Variants in NAALADL2 observed in about 807,000 individuals in gnomAD.
The protein encoded by NAALADL2 is inactive N-acetylated-alpha-linked acidic dipeptidase-like protein 2.
In NAALADL2, 76 loss-of-function variants were observed where a neutral mutation model predicts 87.2. The ratio of observed to expected loss-of-function variants is 0.87; its 90% CI spans 0.72 to 1.05. The LOEUF is 1.05. NAALADL2 is among the 50% of genes least tolerant of loss of function. The pLI, the probability that NAALADL2 is intolerant of heterozygous loss-of-function variation, is 0.00. For synonymous variants in NAALADL2, 354 were observed against 331.0 expected (o/e 1.07, Z -0.75); for missense variants, 1,089 against 945.8 (o/e 1.15, Z -1.99).
chr3:174,780,743 G>A (rs1715862793), intron 3 of NAALADL2, among the ~76,000 whole-genome samples: 1 of 151,762 alleles, frequency 6.6e-6, no homozygotes. Context: ...AGATAATCAT[G>A]TTTTTTTTGT....
chr3:175,199,613 G>A (rs71629253), intron 2 of NAALADL2, among the ~76,000 whole-genome samples: 5,565 of 151,200 alleles, frequency 0.037, 251 homozygotes, highest in African/African-American at 0.11. Context: ...ATGAATAAAA[G>A]TGCACTAAGG....
intron 1 of NAALADL2, among the ~76,000 whole-genome samples, chr3:174,866,433 T>C (rs574673737): frequency 4.0e-5 from 6 of 151,890 alleles, no homozygotes; most frequent in South Asian, 4.1e-4. Context: ...AGGAAAATAA[T>C]AGAAGAATAA....
At chr3:175,040,764 G>A (rs542630360) in intron 1 of NAALADL2, among the ~76,000 whole-genome samples, 1 of 152,158 alleles carries the variant, frequency 6.6e-6, no homozygotes, top group South Asian at 2.1e-4. Context: ...TCTTTTATAG[G>A]CAAGGCCATA....
intron 2 of NAALADL2, among the ~76,000 whole-genome samples, chr3:175,131,445 G>T (rs991326573): frequency 6.6e-6 from 1 of 152,132 alleles, no homozygotes; most frequent in Non-Finnish European, 1.5e-5. Flanking sequence ...CACAGCACAT[G>T]TTTCAGAGAG....
At chr3:174,886,331 G>A (rs1730149302) in intron 1 of NAALADL2, among the ~76,000 whole-genome samples, 1 of 152,068 alleles carries the variant, frequency 6.6e-6, no homozygotes, top group East Asian at 1.9e-4. Context: ...TATTTTTTCT[G>A]CCTGCTTATG....
rs1156458824 is a variant in NAALADL2 at position 174,859,469 on chromosome 3, T to C, written c.43+19T>C. 1 of 1,601,986 alleles carries C rather than the reference T, an allele frequency of 6.2e-7. No homozygotes were observed. The highest frequency in any genetic ancestry group is 2.2e-5 in the East Asian group (1 of 44,690). On this transcript the variant is annotated intron_variant, in intron 1 of 13. Coordinates refer to ENST00000454872, the MANE Select transcript of NAALADL2 (RefSeq NM_207015.3). Reference sequence around the variant, plus strand: ...TTGCAAGGTAAGTACCAACAGCCTATGAACTTTTCACTTTTCACAATCAGA... The same window carrying C: ...TTGCAAGGTAAGTACCAACAGCCTACGAACTTTTCACTTTTCACAATCAGA...
intron 5 of NAALADL2, among the ~76,000 whole-genome samples, chr3:175,406,905 G>A (rs939151833): frequency 1.3e-5 from 2 of 152,010 alleles, no homozygotes; most frequent in African/African-American, 4.8e-5. Context: ...TGTCGGCCGG[G>A]CGCTGTGGCT....
At chr3:174,673,759 A>G (rs1309127646) in intron 2 of NAALADL2, among the ~76,000 whole-genome samples, 2 of 152,054 alleles carry the variant, frequency 1.3e-5, no homozygotes, top group African/African-American at 2.4e-5. Flanking sequence ...GACTATGCTT[A>G]AAAACAGTAT....
chr3:174,451,476 G>C (rs540011849), intron 1 of NAALADL2, among the ~76,000 whole-genome samples: 1 of 152,250 alleles, frequency 6.6e-6, no homozygotes, highest in East Asian at 1.9e-4. Flanking sequence ...TGATATGTTT[G>C]TATTATAATC....
intron 11 of NAALADL2, among the ~76,000 whole-genome samples, chr3:175,664,059 T>G (rs878869324): frequency 6.6e-6 from 1 of 151,982 alleles, no homozygotes; most frequent in Admixed American, 6.6e-5. Flanking sequence ...ACAATGGGGA[T>G]AGAAAGATCA....
chr3:175,087,468 A>C (rs537503056), intron 1 of NAALADL2, among the ~76,000 whole-genome samples: 1 of 152,336 alleles, frequency 6.6e-6, no homozygotes, highest in African/African-American at 2.4e-5. Context: ...GAATAGAAAA[A>C]GGGGGAAATG....
chr3:174,651,740 A>G (rs1045434609), intron 2 of NAALADL2, among the ~76,000 whole-genome samples: 1 of 152,180 alleles, frequency 6.6e-6, no homozygotes, highest in Admixed American at 6.5e-5. Flanking sequence ...ATAGGCAAAG[A>G]GCACATTCTA....
chr3:174,922,746 TTGAAA>T (rs1333551818), intron 1 of NAALADL2, among the ~76,000 whole-genome samples: 12 of 152,204 alleles, frequency 7.9e-5, no homozygotes, highest in Admixed American at 6.6e-5. Context: ...TTTCTCACTA[TTGAAA>T]TGAAATGGTG....
intron 3 of NAALADL2, among the ~76,000 whole-genome samples, chr3:174,838,021 G>GAAAAAAA (rs77681462): frequency 2.1e-4 from 15 of 71,910 alleles, no homozygotes; most frequent in East Asian, 4.7e-4. Context: ...AACCAAAAAA[G>GAAAAAAA]AAAAAAAAAA....
At chr3:175,352,634 T>A (rs1417757451) in intron 5 of NAALADL2, among the ~76,000 whole-genome samples, 2 of 152,198 alleles carry the variant, frequency 1.3e-5, no homozygotes, top group Non-Finnish European at 2.9e-5. Context: ...GATATTTCAA[T>A]AAACGATGCC....
intron 5 of NAALADL2, among the ~76,000 whole-genome samples, chr3:175,429,384 T>G (rs1185907179): frequency 1.3e-5 from 2 of 151,980 alleles, no homozygotes; most frequent in Non-Finnish European, 1.5e-5. Flanking sequence ...TTTGCACCAC[T>G]CCAGTCATAT....
chr3:175,210,536 A>G (rs1470310004), intron 2 of NAALADL2, among the ~76,000 whole-genome samples: 1 of 151,802 alleles, frequency 6.6e-6, no homozygotes, highest in Non-Finnish European at 1.5e-5. Context: ...ATTATATATT[A>G]AATCTTACTT....
At chr3:175,134,516 G>T (rs1050489546) in intron 2 of NAALADL2, among the ~76,000 whole-genome samples, 2 of 152,088 alleles carry the variant, frequency 1.3e-5, no homozygotes, top group African/African-American at 4.8e-5. Context: ...CTGGTATTTT[G>T]TGTGCATAAT....
intron 3 of NAALADL2, chr3:175,235,031 T>C (rs1401223568): frequency 2.0e-5 from 3 of 147,828 alleles, no homozygotes; most frequent in Non-Finnish European, 3.0e-5. Flanking sequence ...TCTAACTCTA[T>C]GTAAAAGTGT....
Sources: allele counts gnomAD v4.1 joint callset (sites outside exome capture counted in the v4.1 genomes callset), GRCh38; gene constraint gnomAD v4.1.1; transcripts MANE v1.5; gene names NCBI Gene and HGNC (gene_info 2026-07-23, HGNC 2026-07-21).